Variants in EPC2 observed in about 807,000 individuals in gnomAD.
The protein encoded by EPC2 is enhancer of polycomb 2, also known as enhancer of polycomb homolog 2.
A neutral mutation model predicts 92.1 loss-of-function variants in EPC2; 14 were observed. That is an observed-to-expected ratio of 0.15 (90% CI 0.10 to 0.24). The LOEUF (loss-of-function observed/expected upper bound fraction) is 0.24. Ranked by LOEUF, EPC2 falls within the 10% of genes least tolerant of loss-of-function variation. The probability of loss-of-function intolerance (pLI) is 1.00; values close to 1 mark genes in which losing one functional copy is unlikely to be tolerated. For missense variants in EPC2, 755 were observed against 971.5 expected (o/e 0.78, Z 2.96); for synonymous variants, 340 against 334.7 (o/e 1.02, Z -0.17).
intron 2 of EPC2, among the ~76,000 whole-genome samples, chr2:148,741,400 A>G (rs943058031): frequency 1.3e-5 from 2 of 152,150 alleles, no homozygotes; most frequent in African/African-American, 4.8e-5. Context: ...TTCTTAAGCA[A>G]TGAACTGAAG....
At chr2:148,659,275 C>T (rs1325101180) in intron 1 of EPC2, among the ~76,000 whole-genome samples, 1 of 152,088 alleles carries the variant, frequency 6.6e-6, no homozygotes, top group East Asian at 1.9e-4. Context: ...ATGTTTACCA[C>T]TTCCCTTCCA....
chr2:148,763,771 G>A (rs1476742423), intron 6 of EPC2, among the ~76,000 whole-genome samples: 1 of 152,156 alleles, frequency 6.6e-6, no homozygotes, highest in Non-Finnish European at 1.5e-5. Context: ...CAGTGCAAAT[G>A]TCATTTTGTA....
chr2:148,645,823 C>T (rs545993809), intron 1 of EPC2, among the ~76,000 whole-genome samples: 5 of 152,284 alleles, frequency 3.3e-5, no homozygotes, highest in African/African-American at 1.2e-4. Flanking sequence ...ACGGGCTCTG[C>T]CTGCTCCGCC....
chr2:148,720,965 C>T lies in EPC2; in HGVS notation c.314-22657C>T, dbSNP rs150646759. Among the ~76,000 whole-genome samples the T allele has an allele frequency of 5.9e-5, 9 of 152,300 alleles. 1 individual carries two copies. The highest frequency in any genetic ancestry group is 3.4e-3 in the Middle Eastern group (1 of 294). On this transcript the variant is annotated intron_variant, in intron 2 of 13. Transcript: ENST00000258484. ...TGTCCCCAGAATTGCTTCATTAAGA[C>T]TATATCTGTCTGTATGCTATGTGTA... is the stretch of plus-strand genomic sequence containing the variant.
intron 1 of EPC2, among the ~76,000 whole-genome samples, chr2:148,658,319 C>G (rs1253320741): frequency 6.6e-6 from 1 of 151,806 alleles, no homozygotes; most frequent in Non-Finnish European, 1.5e-5. Flanking sequence ...CTCGGGGGCA[C>G]CTTTAGACAG....
At chr2:148,663,194 G>GTATTATTATTAT (rs56337513) in intron 1 of EPC2, among the ~76,000 whole-genome samples, 3,720 of 136,264 alleles carry the variant, frequency 0.027, 67 homozygotes, top group Non-Finnish European at 0.037. Context: ...CTGTGTTTTT[G>GTATTATTATTAT]TATTATTATT....
chr2:148,767,919 T>G (rs1246558062), intron 7 of EPC2, among the ~76,000 whole-genome samples: 1 of 152,212 alleles, frequency 6.6e-6, no homozygotes, highest in Non-Finnish European at 1.5e-5. Flanking sequence ...AACCAAAGTG[T>G]AAAATTCACG....
chr2:148,768,987 T>C lies in EPC2; in HGVS notation c.1141-164T>C, dbSNP rs534881346. 2.3e-4 allele frequency among the ~76,000 whole-genome samples: 35 copies of C among 152,362 alleles called. 1 individual carries two copies. The highest frequency in any genetic ancestry group is 7.9e-4 in the African/African-American group (33 of 41,588). ...CATTAAAAACAATGATTTTTAACTA[T>C]AGAAAATTTTTGCTAGTCATTGAAT... On this transcript the variant is annotated intron_variant, in intron 7 of 13. Transcript: ENST00000258484.
At chr2:148,687,293 C>T (rs1044154237) in intron 1 of EPC2, among the ~76,000 whole-genome samples, 13 of 152,192 alleles carry the variant, frequency 8.5e-5, no homozygotes, top group Non-Finnish European at 1.5e-4. Context: ...CTTTGGCTTA[C>T]GGGAATGTTG....
intron 4 of EPC2, among the ~76,000 whole-genome samples, chr2:148,759,789 G>A (rs1683265938): frequency 6.6e-6 from 1 of 152,104 alleles, no homozygotes. Context: ...AGAGAATCTG[G>A]ATGAAGATAT....
intron 4 of EPC2, among the ~76,000 whole-genome samples, chr2:148,757,700 G>C (rs1683219078): frequency 6.6e-6 from 1 of 151,958 alleles, no homozygotes; most frequent in African/African-American, 2.4e-5. Flanking sequence ...AGCTGGATGT[G>C]GTGATGTGCA....
chr2:148,725,339 C>T (rs1395344965), intron 2 of EPC2, among the ~76,000 whole-genome samples: 1 of 151,976 alleles, frequency 6.6e-6, no homozygotes, highest in Non-Finnish European at 1.5e-5. Context: ...TATTTGCTTT[C>T]TGTTTTTTTA....
At chr2:148,763,717 G>T (rs1284347546) in intron 6 of EPC2, among the ~76,000 whole-genome samples, 1 of 152,136 alleles carries the variant, frequency 6.6e-6, no homozygotes, top group Non-Finnish European at 1.5e-5. Context: ...CCACCATCCT[G>T]ATTCTCTCTA....
At chr2:148,699,277 G>GTACATTTC (rs1041871185) in intron 2 of EPC2, among the ~76,000 whole-genome samples, 4 of 152,276 alleles carry the variant, frequency 2.6e-5, no homozygotes, top group African/African-American at 9.6e-5. Context: ...GTATTAGTCA[G>GTACATTTC]TACATTTCTT....
intron 4 of EPC2, among the ~76,000 whole-genome samples, chr2:148,755,950 T>C (rs1683182264): frequency 6.6e-6 from 1 of 152,238 alleles, no homozygotes; most frequent in African/African-American, 2.4e-5. Context: ...TCAGATATAT[T>C]GCAAAACAGA....
At chr2:148,740,032 T>C (rs540488506) in intron 2 of EPC2, among the ~76,000 whole-genome samples, 66 of 151,910 alleles carry the variant, frequency 4.3e-4, no homozygotes, top group Non-Finnish European at 7.2e-4. Flanking sequence ...TTTATCTGTT[T>C]TGTTTGGTTG....
chr2:148,719,602 T>TAAGG (rs1392574034), intron 2 of EPC2, among the ~76,000 whole-genome samples: 2 of 152,152 alleles, frequency 1.3e-5, no homozygotes, highest in African/African-American at 4.8e-5. Context: ...GCCTGCCCCT[T>TAAGG]CCTCTGGAAG....
rs572787250 is a variant in EPC2 at position 148,712,956 on chromosome 2, C to T, written c.313+22583C>T. Among the ~76,000 whole-genome samples the T allele has an allele frequency of 2.7e-5, 4 of 149,508 alleles. No individual in the cohort carries two copies. The South Asian group carries it at 8.6e-4, about 32-fold the overall frequency. On this transcript the variant is annotated intron_variant, in intron 2 of 13. Coordinates refer to ENST00000258484, the MANE Select transcript of EPC2 (RefSeq NM_015630.4). ...TCACACCGGTAATCACTTTGGGAGG[C>T]GTGAGGCAGGAAGGTCCCTTGAGCC... is the stretch of plus-strand genomic sequence containing the variant.
At chr2:148,737,863 A>C (rs1377932591) in intron 2 of EPC2, among the ~76,000 whole-genome samples, 1 of 151,888 alleles carries the variant, frequency 6.6e-6, no homozygotes, top group African/African-American at 2.4e-5. Flanking sequence ...AAAGTTTACG[A>C]ATCTGTGTTG....
Sources: allele counts gnomAD v4.1 joint callset (sites outside exome capture counted in the v4.1 genomes callset), GRCh38; gene constraint gnomAD v4.1.1; transcripts MANE v1.5; gene names NCBI Gene and HGNC (gene_info 2026-07-23, HGNC 2026-07-21).